KLHL32: variants seen among roughly 807,000 people sequenced by gnomAD.
KLHL32 encodes the protein kelch like family member 32, also known as kelch-like protein 32.
In KLHL32, 35 loss-of-function variants were observed where a neutral mutation model predicts 64.8. The observed-to-expected ratio is 0.54, with a 90% CI of 0.41 to 0.72. The LOEUF is 0.72. KLHL32 is among the 30% of genes least tolerant of loss of function. KLHL32 has a pLI of 0.00. For synonymous variants in KLHL32, 259 were observed against 281.0 expected (o/e 0.92, Z 0.78); for missense variants, 589 against 768.5 (o/e 0.77, Z 2.76).
chr6:96,988,174 G>A (rs1056801734), intron 3 of KLHL32, among the ~76,000 whole-genome samples: 7 of 152,118 alleles, frequency 4.6e-5, no homozygotes, highest in Admixed American at 2.0e-4. Flanking sequence ...GCAACCTACA[G>A]AATGGGAGAA....
intron 5 of KLHL32, among the ~76,000 whole-genome samples, chr6:97,084,326 G>A (rs1194967232): frequency 6.6e-6 from 1 of 152,086 alleles, no homozygotes; most frequent in African/African-American, 2.4e-5. Context: ...TGATTTTTGT[G>A]GGGGTACAGT....
At chr6:96,907,490 T>C in the KLHL32 span, among the ~76,000 whole-genome samples, 4 of 152,166 alleles carry the variant, frequency 2.6e-5, no homozygotes, top group Non-Finnish European at 5.9e-5. Context: ...CACTCAGAAA[T>C]TTTTTTCAAG....
At chr6:97,126,591 G>T (rs1430574940) in intron 7 of KLHL32, among the ~76,000 whole-genome samples, 1 of 152,078 alleles carries the variant, frequency 6.6e-6, no homozygotes, top group Non-Finnish European at 1.5e-5. Flanking sequence ...TTGCACTGAA[G>T]AGCCCTAGAT....
chr6:97,125,867 C>G (rs918481214), intron 7 of KLHL32, among the ~76,000 whole-genome samples: 2 of 152,160 alleles, frequency 1.3e-5, no homozygotes, highest in African/African-American at 4.8e-5. Flanking sequence ...AGGGATGGCT[C>G]TCTGGACTTT....
At chr6:97,022,087 T>A (rs1782071870) in intron 3 of KLHL32, among the ~76,000 whole-genome samples, 2 of 150,892 alleles carry the variant, frequency 1.3e-5, no homozygotes, top group African/African-American at 5.0e-5. Flanking sequence ...CCTTCTTCAA[T>A]CCTTGATGCT....
At chr6:97,039,056 C>T (rs1784712953) in intron 3 of KLHL32, among the ~76,000 whole-genome samples, 2 of 146,056 alleles carry the variant, frequency 1.4e-5, no homozygotes, top group African/African-American at 5.1e-5. Flanking sequence ...TGCCACTGCA[C>T]TCCAGCCTGG....
chr6:96,920,010 A>C (rs905396762), upstream of KLHL32, among the ~76,000 whole-genome samples: 3 of 152,240 alleles, frequency 2.0e-5, no homozygotes, highest in African/African-American at 7.2e-5. Flanking sequence ...TCAAAAGGCC[A>C]GTCCTCAGTG....
intron 3 of KLHL32, among the ~76,000 whole-genome samples, chr6:96,991,305 G>T (rs544804683): frequency 6.6e-6 from 1 of 152,262 alleles, no homozygotes; most frequent in South Asian, 2.1e-4. Context: ...TGCAATTCCA[G>T]CTGAAGGGTC....
At chr6:97,131,510 C>T (rs1391413923) in intron 9 of KLHL32, among the ~76,000 whole-genome samples, 1 of 152,138 alleles carries the variant, frequency 6.6e-6, no homozygotes, top group African/African-American at 2.4e-5. Context: ...TAGGTATGGA[C>T]CTTCCTCATC....
chr6:97,052,470 A>G (rs1410642275), intron 4 of KLHL32, among the ~76,000 whole-genome samples: 1 of 152,242 alleles, frequency 6.6e-6, no homozygotes, highest in African/African-American at 2.4e-5. Flanking sequence ...ACATCAAAGA[A>G]TGTGTTTATA....
chr6:97,117,397 C>G (rs62413907), intron 7 of KLHL32, among the ~76,000 whole-genome samples: 311 of 152,274 alleles, frequency 2.0e-3, no homozygotes, highest in Non-Finnish European at 3.6e-3. Context: ...GTTCTGTTCT[C>G]TAGAACACAG....
intron 9 of KLHL32, among the ~76,000 whole-genome samples, chr6:97,131,464 C>T (rs532299729): frequency 6.6e-6 from 1 of 152,218 alleles, no homozygotes; most frequent in East Asian, 1.9e-4. Flanking sequence ...TTTTTGGCCA[C>T]AAATACCCAT....
At chr6:96,927,488 A>G (rs1413538430) in intron 1 of KLHL32, among the ~76,000 whole-genome samples, 3 of 152,204 alleles carry the variant, frequency 2.0e-5, no homozygotes, top group Non-Finnish European at 4.4e-5. Context: ...ATACGTCTTG[A>G]GAAGCTGCCA....
chr6:96,967,858 C>T (rs1774639654), intron 2 of KLHL32, among the ~76,000 whole-genome samples: 2 of 152,094 alleles, frequency 1.3e-5, no homozygotes, highest in South Asian at 4.1e-4. Context: ...GGGGGCATGC[C>T]CTGAGGCAGG....
chr6:97,007,042 C>T (rs1582678943), intron 3 of KLHL32, among the ~76,000 whole-genome samples: 1 of 152,058 alleles, frequency 6.6e-6, no homozygotes. Context: ...GCCTCTTTAG[C>T]AAGGTTGGGG....
rs559164013 is a variant in KLHL32, at chr6:97,139,219, A to G, written c.1800A>G (p.Pro600=). Residue 600 remains proline, a synonymous_variant, in exon 11 of 11, where the codon CCA becomes CCG. Transcript: ENST00000369261. ...NGIAACFLPA[P]YFTCPNLQTL... is the part of the protein sequence containing the mutation. Reference sequence around the variant, plus strand: ...TAGCAGCATGCTTCCTTCCAGCTCCATATTTTACATGCCCTAACCTTCAAA... The same window carrying G: ...TAGCAGCATGCTTCCTTCCAGCTCCGTATTTTACATGCCCTAACCTTCAAA... 37 of 1,614,074 alleles carry G rather than the reference A, an allele frequency of 2.3e-5. No homozygotes were observed. The highest frequency in any genetic ancestry group is 5.0e-5 in the Admixed American group (3 of 60,028).
At chr6:96,998,099 C>G (rs567776893) in intron 3 of KLHL32, among the ~76,000 whole-genome samples, 2 of 152,298 alleles carry the variant, frequency 1.3e-5, no homozygotes, top group African/African-American at 4.8e-5. Flanking sequence ...CTAGCCTGCT[C>G]CTCAACCTCC....
At chr6:97,062,936 T>G (rs1281355875) in intron 4 of KLHL32, among the ~76,000 whole-genome samples, 1 of 152,194 alleles carries the variant, frequency 6.6e-6, no homozygotes, top group Non-Finnish European at 1.5e-5. Context: ...ATCTGAAGTA[T>G]ATGAGGGAGT....
At chr6:97,088,943 T>C (rs943862308) in intron 6 of KLHL32, among the ~76,000 whole-genome samples, 2 of 152,214 alleles carry the variant, frequency 1.3e-5, no homozygotes, top group Non-Finnish European at 2.9e-5. Context: ...AAGAGGGAGA[T>C]TACTGTTTTC....
Sources: allele counts gnomAD v4.1 joint callset (sites outside exome capture counted in the v4.1 genomes callset), GRCh38; gene constraint gnomAD v4.1.1; transcripts MANE v1.5; gene names NCBI Gene and HGNC (gene_info 2026-07-23, HGNC 2026-07-21).